ATP11A: variants seen among roughly 807,000 people sequenced by gnomAD.
ATP11A encodes the protein ATPase phospholipid transporting 11A.
In ATP11A, 81 loss-of-function variants were observed where a neutral mutation model predicts 154.4. The ratio of observed to expected loss-of-function variants is 0.52; its 90% CI spans 0.44 to 0.63. ATP11A has a LOEUF of 0.63. Among genes scored for constraint, ATP11A ranks in the 30% least tolerant of loss-of-function variants. The pLI, the probability that ATP11A is intolerant of heterozygous loss-of-function variation, is 0.00. For synonymous variants in ATP11A, 623 were observed against 585.9 expected (o/e 1.06, Z -0.91); for missense variants, 1,316 against 1,474.3 (o/e 0.89, Z 1.76).
intron 1 of ATP11A, among the ~76,000 whole-genome samples, chr13:112,705,012 G>A (rs756886979): frequency 2.0e-4 from 30 of 152,288 alleles, no homozygotes; most frequent in African/African-American, 6.0e-4. Context: ...CCTCACAAAC[G>A]TGGAATAACG....
At chr13:112,879,002 G>A (rs1184736472) in intron 29 of ATP11A, among the ~76,000 whole-genome samples, 1 of 152,220 alleles carries the variant, frequency 6.6e-6, no homozygotes, top group African/African-American at 2.4e-5. Context: ...TGGCCTTTCT[G>A]GGCAATGTAG....
At chr13:112,706,650 G>A (rs1246843261) in intron 1 of ATP11A, among the ~76,000 whole-genome samples, 5 of 152,344 alleles carry the variant, frequency 3.3e-5, no homozygotes, top group South Asian at 2.1e-4. Context: ...CTGTAAAATT[G>A]TTGGTTCTGT....
intron 1 of ATP11A, among the ~76,000 whole-genome samples, chr13:112,741,345 T>C (rs1347050601): frequency 1.3e-5 from 1 of 76,566 alleles, no homozygotes; most frequent in African/African-American, 5.4e-5. Flanking sequence ...GAAGGTGGCC[T>C]GGTCCCTGCG....
chr13:112,793,438 G>T (rs112516647), intron 2 of ATP11A, among the ~76,000 whole-genome samples: 100 of 152,306 alleles, frequency 6.6e-4, no homozygotes, highest in African/African-American at 2.3e-3. Flanking sequence ...CCTGACCTCA[G>T]GTGATTCACC....
chr13:112,785,214 A>G lies in ATP11A; in HGVS notation c.119A>G (p.Tyr40Cys), dbSNP rs1004276984. ...GAGCCACCTCCGGGCGCAGAGGCCT[A>G]CATCCCACAGAGATACCCAGACAAC... is the stretch of plus-strand genomic sequence containing the variant. ...HREPPPGAEAYIPQRYPDNRI... is the reference protein window; with the variant it reads ...HREPPPGAEACIPQRYPDNRI... Residue 40 changes from tyrosine (Y) to cysteine (C), a missense_variant, in exon 2 of 30, where the codon TAC (tyrosine) becomes TGC (cysteine). Physicochemically the swap from Tyr to Cys is radical, Grantham distance 194. This residue lies in a region of ATP11A where 123 missense variants were observed against 113.7 expected (regional missense o/e 1.08). Coordinates refer to ENST00000375645, the MANE Select transcript of ATP11A (RefSeq NM_015205.3). The surrounding 1 kb of genome is among the most constrained non-coding windows in gnomAD (Gnocchi z 4.8). The G allele has an allele frequency of 3.8e-6, 6 of 1,574,574 alleles. No homozygotes were observed. Among genetic ancestry groups the G allele is most frequent in the Non-Finnish European group, 5.2e-6 (6 of 1,161,288 alleles).
intron 1 of ATP11A, among the ~76,000 whole-genome samples, chr13:112,775,702 A>G (rs936307898): frequency 6.9e-6 from 1 of 144,320 alleles, no homozygotes; most frequent in Non-Finnish European, 1.6e-5. Context: ...CGTTTGAATT[A>G]TTTCATAATG....
chr13:112,872,487 T>A (rs960566871), intron 26 of ATP11A, among the ~76,000 whole-genome samples: 3 of 152,232 alleles, frequency 2.0e-5, no homozygotes, highest in Admixed American at 2.0e-4. Flanking sequence ...GGCACGCGCC[T>A]GTAATCCCAG....
chr13:112,834,244 A>G lies in ATP11A; in HGVS notation c.1560-345A>G, dbSNP rs377626344. Among the ~76,000 whole-genome samples the G allele has an allele frequency of 1.4e-3, 219 of 152,308 alleles. 1 individual carries two copies. The highest frequency in any genetic ancestry group is 2.5e-3 in the Non-Finnish European group (172 of 68,024). On this transcript the variant is annotated intron_variant, in intron 14 of 29. Transcript: ENST00000375645. Reference sequence around the variant, plus strand: ...ATCGTGTTCTCCGCTCAACAACAACAAAGTCCACGAATCAATGAGCAAAAG... The same window carrying G: ...ATCGTGTTCTCCGCTCAACAACAACGAAGTCCACGAATCAATGAGCAAAAG...
chr13:112,828,121 G>GCCCAGCAGTGTTGAGTGCGGGGGAAAT (rs2078983081), intron 12 of ATP11A, among the ~76,000 whole-genome samples: 1 of 29,708 alleles, frequency 3.4e-5, no homozygotes, highest in African/African-American at 1.7e-4. Flanking sequence ...GTGGGGGGAA[G>GCCCAGCAGTGTTGAGTGCGGGGGAAAT]CGCCCAGCAG....
chr13:112,733,825 AT>A (rs1890727015), intron 1 of ATP11A, among the ~76,000 whole-genome samples: 1 of 152,184 alleles, frequency 6.6e-6, no homozygotes, highest in South Asian at 2.1e-4. Flanking sequence ...CCTTGCTGAC[AT>A]TGTCCAAGTC....
intron 5 of ATP11A, chr13:112,811,471 T>A (rs1439584589): frequency 6.6e-6 from 1 of 152,190 alleles, no homozygotes; most frequent in Non-Finnish European, 1.5e-5. Context: ...AGAGAAAGAT[T>A]GGAAACACTG....
At position 112,760,879 on chromosome 13, in the gene ATP11A, T is replaced by A. The variant is rs184693603; in HGVS notation, c.40-24256T>A. On this transcript the variant is annotated intron_variant, in intron 1 of 29. Coordinates refer to ENST00000375645, the MANE Select transcript of ATP11A (RefSeq NM_015205.3). ...AGTCCACAGGACTTTTTAGATGTTGTTGGGAGGTGGAGTGGGGATGATGAC... is the reference window on the plus strand; with the variant it reads ...AGTCCACAGGACTTTTTAGATGTTGATGGGAGGTGGAGTGGGGATGATGAC... Among the ~76,000 whole-genome samples, 573 of 152,334 alleles carry A rather than the reference T, an allele frequency of 3.8e-3. 6 individuals are homozygous for A. Among genetic ancestry groups the A allele is most frequent in the African/African-American group, 0.013 (558 of 41,568 alleles).
At chr13:112,716,828 C>T (rs1304809141) in intron 1 of ATP11A, among the ~76,000 whole-genome samples, 1 of 151,998 alleles carries the variant, frequency 6.6e-6, no homozygotes, top group African/African-American at 2.4e-5. Context: ...AGGCTGCTGG[C>T]CTCCCAGCCT....
At chr13:112,787,681 C>G (rs2077684605) in intron 2 of ATP11A, among the ~76,000 whole-genome samples, 1 of 148,626 alleles carries the variant, frequency 6.7e-6, no homozygotes, top group African/African-American at 2.5e-5. Flanking sequence ...TTAATTCACA[C>G]CGGGTGTCCT....
At chr13:112,841,364 C>T (rs867931286) in intron 16 of ATP11A, among the ~76,000 whole-genome samples, 1 of 143,750 alleles carries the variant, frequency 7.0e-6, no homozygotes, top group African/African-American at 2.6e-5. Context: ...CTCTGTGTGT[C>T]GGGAGCACCT....
In ATP11A at chr13:112,875,752, C is replaced by T. The variant is rs778376596; in HGVS notation, c.3162-24C>T. 72 of 1,607,694 alleles carry T rather than the reference C, an allele frequency of 4.5e-5. No homozygotes were observed. The highest frequency in any genetic ancestry group is 2.8e-4 in the Admixed American group (17 of 59,870). On this transcript the variant is annotated intron_variant, in intron 27 of 29. Transcript: ENST00000375645. This position sits in a 1 kb window ranked among gnomAD's most constrained non-coding sequence, Gnocchi z 4.1. ...CCCCAGGGAGTACATGCCTCACCAG[C>T]GGCTTCTCTTCCCTGCCCCTCAGGC...
At position 112,803,722 on chromosome 13, in the gene ATP11A, CCCTCCCTGA is replaced by C. The variant is rs1392313340; in HGVS notation, c.163-1229_163-1221del. Among the ~76,000 whole-genome samples, 495 of 125,444 alleles carry C rather than the reference CCCTCCCTGA, an allele frequency of 3.9e-3. 1 individual carries two copies. Among genetic ancestry groups the C allele is most frequent in the African/African-American group, 0.01 (303 of 29,080 alleles). The allele number at this position is 125,444 out of a possible 152,430, so 82.3% of individuals were successfully genotyped here. A position where few individuals can be genotyped will look rare whatever the true frequency, so the allele number is the denominator to read the frequency against. ...CCCTCCTTCTCTCATTCCCCTCCTT[CCCTCCCTGA>C]CCTCCTTCCCCTCCTTCTCTCATTC... On this transcript the variant is annotated intron_variant, in intron 2 of 29. Coordinates refer to ENST00000375645, the MANE Select transcript of ATP11A (RefSeq NM_015205.3).
At position 112,842,358 on chromosome 13, in the gene ATP11A, C is replaced by A. The variant is rs1333292362; in HGVS notation, c.1788C>A (p.Ala596=). The change falls in exon 17 of 30, where the codon GCC becomes GCA. Residue 596 remains alanine, a synonymous_variant. Transcript: ENST00000375645. ...VIEGKVDQIR[A]RVERNAVEGL... is the part of the protein sequence containing the mutation. ...AAGGCAAAGTTGACCAGATCCGAGC[C>A]AGAGTGGAGCGTAACGCAGTGGTGA... 1 of 1,608,540 alleles carries A rather than the reference C, an allele frequency of 6.2e-7. No individual in the cohort carries two copies. Among genetic ancestry groups the A allele is most frequent in the Non-Finnish European group, 8.5e-7 (1 of 1,177,230 alleles).
At chr13:112,878,810 G>A (rs558764561) in intron 29 of ATP11A, among the ~76,000 whole-genome samples, 1 of 152,340 alleles carries the variant, frequency 6.6e-6, no homozygotes, top group African/African-American at 2.4e-5. Context: ...GTTTGCTCAG[G>A]ACCCATGCAC....
Sources: gnomAD v4.1 joint callset for allele counts (sites outside exome capture counted in the v4.1 genomes callset) on GRCh38, gnomAD v4.1.1 for gene constraint, gnomAD v4.1.1 regional missense constraint, Gnocchi (gnomAD v3.1) non-coding constraint, MANE v1.5 for transcripts, NCBI Gene and HGNC (gene_info 2026-07-23, HGNC 2026-07-21) for gene names.